Variants in POLN observed in about 807,000 individuals in gnomAD.
POLN encodes the protein DNA polymerase N.
Under a neutral mutation model 113.5 loss-of-function variants are expected in POLN, and 108 were observed. The ratio of observed to expected loss-of-function variants is 0.95; its 90% confidence interval spans 0.81 to 1.12. POLN has a LOEUF of 1.12. Among genes scored for constraint, POLN ranks in the 50% most tolerant of loss-of-function variants. POLN has a pLI of 0.00. For synonymous variants in POLN, 386 were observed against 391.5 expected (o/e 0.99, Z 0.17); for missense variants, 1,097 against 1,077.1 (o/e 1.02, Z -0.26).
chr4:2,148,673 A>C (rs34627875), intron 16 of POLN, among the ~76,000 whole-genome samples: 138 of 4,662 alleles, frequency 0.03, no homozygotes, highest in Non-Finnish European at 0.07. Context: ...TCCCCCCCCC[A>C]AAAAAAAAAA....
chr4:2,132,239 G>A (rs1185605801), intron 16 of POLN, among the ~76,000 whole-genome samples: 3 of 152,100 alleles, frequency 2.0e-5, no homozygotes, highest in Non-Finnish European at 4.4e-5. Flanking sequence ...CAATAATAGT[G>A]TAGAGATGAC....
chr4:2,218,738 C>T (rs1734182409), intron 3 of POLN, among the ~76,000 whole-genome samples: 1 of 152,160 alleles, frequency 6.6e-6, no homozygotes, highest in South Asian at 2.1e-4. Flanking sequence ...AGAATGTGTT[C>T]ACCAAATCAA....
intron 19 of POLN, among the ~76,000 whole-genome samples, chr4:2,123,274 G>A (rs1286158815): frequency 1.3e-5 from 2 of 151,826 alleles, no homozygotes; most frequent in African/African-American, 2.4e-5. Flanking sequence ...AGGTTGCTTT[G>A]TAATCAGGAA....
intron 16 of POLN, among the ~76,000 whole-genome samples, chr4:2,133,382 C>G (rs546058488): frequency 1.3e-5 from 2 of 152,212 alleles, no homozygotes; most frequent in South Asian, 4.2e-4. Flanking sequence ...TTACTGCAGC[C>G]CCGTTCACAA....
intron 19 of POLN, among the ~76,000 whole-genome samples, chr4:2,111,390 G>A (rs1410562722): frequency 2.0e-5 from 3 of 151,938 alleles, no homozygotes; most frequent in Non-Finnish European, 4.4e-5. Flanking sequence ...TTCTGGCCAG[G>A]GCAATCAGGC....
chr4:2,201,750 C>T (rs1372849321), intron 5 of POLN, among the ~76,000 whole-genome samples: 1 of 152,176 alleles, frequency 6.6e-6, no homozygotes, highest in Non-Finnish European at 1.5e-5. Context: ...ACATTGTCAT[C>T]AGTTTATCCA....
At chr4:2,209,750 G>A (rs1180463299) in intron 4 of POLN, among the ~76,000 whole-genome samples, 1 of 131,662 alleles carries the variant, frequency 7.6e-6, no homozygotes, top group African/African-American at 2.9e-5. Context: ...CAACTTCCAT[G>A]TCCCCGGCTC....
Position 2,238,513 on chromosome 4 carries a change from A to T in POLN, c.-13+3007T>A, listed in dbSNP as rs192282218. 16 of 803,780 alleles carry T rather than the reference A, an allele frequency of 2.0e-5. No individual in the cohort carries two copies. The South Asian group carries it at 4.7e-4, about 23-fold the overall frequency. The allele number at this position is 803,780 out of a possible 1,614,324, so 49.8% of individuals were successfully genotyped here. A position where few individuals can be genotyped will look rare whatever the true frequency, so the allele number is the denominator to read the frequency against. Reference sequence around the variant, plus strand: ...CAAAAGTGAAATGCAAAGAATTGTTAAAAACTTCCAAAATTTTAGCTCAAA... The same window carrying T: ...CAAAAGTGAAATGCAAAGAATTGTTTAAAACTTCCAAAATTTTAGCTCAAA... On this transcript the variant is annotated intron_variant, in intron 2 of 25. Transcript: ENST00000511885.
intron 19 of POLN, among the ~76,000 whole-genome samples, chr4:2,117,745 T>G (rs906341080): frequency 7.2e-5 from 11 of 152,334 alleles, no homozygotes; most frequent in South Asian, 4.1e-4. Context: ...GATTAGGCCC[T>G]TAATCTGCTC....
chr4:2,179,103 C>A (rs1398070767), intron 8 of POLN, among the ~76,000 whole-genome samples: 1 of 152,218 alleles, frequency 6.6e-6, no homozygotes, highest in Non-Finnish European at 1.5e-5. Flanking sequence ...TTCCTAGGAA[C>A]AGGTGCCATA....
intron 3 of POLN, among the ~76,000 whole-genome samples, chr4:2,224,890 C>T (rs564502376): frequency 1.2e-4 from 18 of 151,914 alleles, no homozygotes; most frequent in African/African-American, 4.1e-4. Context: ...GTGGAGGTTG[C>T]AGTGAGCCGA....
At chr4:2,090,232 T>C in intron 20 of POLN, 1 of 811,864 alleles carries the variant, frequency 1.2e-6, no homozygotes, top group Non-Finnish European at 2.0e-6. Flanking sequence ...TTCTTGTCCT[T>C]CAAATTCTAC....
intron 23 of POLN, among the ~76,000 whole-genome samples, chr4:2,076,183 C>A (rs944023760): frequency 2.2e-4 from 33 of 152,306 alleles, no homozygotes; most frequent in South Asian, 8.3e-4. Flanking sequence ...CTGCCAGGGG[C>A]AGGTCCCTGG....
chr4:2,198,606 AC>A lies in POLN; in HGVS notation c.825del (p.Ser276GlnfsTer10). On this transcript the variant is annotated frameshift_variant, in exon 6 of 26. Transcript: ENST00000511885. LOFTEE classifies it high-confidence loss of function. ...PACGPVLEGF[V>X]SDDPCIYIQI... is the part of the protein sequence containing the mutation. ...TGAATGTAGATGCATGGATCATCTG[AC>A]ACAAAGCCCTCCAGAACAGGACCAC... 1 of 1,613,996 alleles carries A rather than the reference AC, an allele frequency of 6.2e-7. No homozygotes were observed. The highest frequency in any genetic ancestry group is 8.5e-7 in the Non-Finnish European group (1 of 1,180,010).
At chr4:2,134,209 G>A (rs1426407086) in intron 16 of POLN, among the ~76,000 whole-genome samples, 1 of 152,036 alleles carries the variant, frequency 6.6e-6, no homozygotes, top group Non-Finnish European at 1.5e-5. Flanking sequence ...TTTTATCACT[G>A]AATAATATTT....
chr4:2,091,291 T>C (rs1041023393), intron 20 of POLN, among the ~76,000 whole-genome samples: 2 of 152,182 alleles, frequency 1.3e-5, no homozygotes, highest in Admixed American at 1.3e-4. Flanking sequence ...CTTTCTTCTA[T>C]GGAGCTGTCG....
chr4:2,172,997 C>T (rs1732901533), intron 11 of POLN, among the ~76,000 whole-genome samples: 2 of 152,170 alleles, frequency 1.3e-5, no homozygotes, highest in African/African-American at 4.8e-5. Flanking sequence ...ACAGGTGGAG[C>T]TGAGATGTAG....
intron 7 of POLN, among the ~76,000 whole-genome samples, chr4:2,182,555 C>T (rs1457981202): frequency 6.6e-6 from 1 of 152,100 alleles, no homozygotes; most frequent in African/African-American, 2.4e-5. Flanking sequence ...TTCCAGCCCC[C>T]AGAACTGTAA....
intron 19 of POLN, among the ~76,000 whole-genome samples, chr4:2,096,622 A>G (rs146202382): frequency 6.6e-6 from 1 of 150,918 alleles, no homozygotes; most frequent in Non-Finnish European, 1.5e-5. Context: ...TTTTGTAAAC[A>G]TCCTTATCAT....
Sources: allele counts gnomAD v4.1 joint callset (sites outside exome capture counted in the v4.1 genomes callset), GRCh38; gene constraint gnomAD v4.1.1; transcripts MANE v1.5; gene names NCBI Gene and HGNC (gene_info 2026-07-23, HGNC 2026-07-21).